P2RY8: variants seen among roughly 807,000 people sequenced by gnomAD.
P2RY8 encodes S-geranylgeranyl-glutathione receptor P2RY8.
In P2RY8, 6 loss-of-function variants were observed where a neutral mutation model predicts 10.0. The ratio of observed to expected loss-of-function variants is 0.60; its 90% CI spans 0.33 to 1.19. The LOEUF (loss-of-function observed/expected upper bound fraction) is 1.19, where lower values mean the gene tolerates loss of function less well. P2RY8 is among the 50% of genes most tolerant of loss of function. The pLI, the probability that P2RY8 is intolerant of heterozygous loss-of-function variation, is 0.04. For synonymous variants in P2RY8, 276 were observed against 252.5 expected (o/e 1.09, Z -0.88); for missense variants, 456 against 542.0 (o/e 0.84, Z 1.58).
At chrX:1,510,685 C>T (rs2092292322) in intron 1 of P2RY8, among the ~76,000 whole-genome samples, 1 of 151,848 alleles carries the variant, frequency 6.6e-6, no homozygotes, top group Non-Finnish European at 1.5e-5. Flanking sequence ...CAAGACCAGC[C>T]TGGCGACCAC....
intron 1 of P2RY8, among the ~76,000 whole-genome samples, chrX:1,527,910 T>A (rs1416332905): frequency 6.6e-6 from 1 of 152,206 alleles, no homozygotes; most frequent in East Asian, 1.9e-4. Flanking sequence ...TTCTGGTCTC[T>A]CATCTACAAA....
In P2RY8 at chrX:1,507,775, G is replaced by A. The variant is rs569886778; in HGVS notation, c.-25+29146C>T. Among the ~76,000 whole-genome samples, 20 of 152,280 alleles carry A rather than the reference G, an allele frequency of 1.3e-4. 1 individual carries two copies. The South Asian group carries it at 2.3e-3, about 17-fold the overall frequency. On this transcript the variant is annotated intron_variant, in intron 1 of 1. Coordinates refer to ENST00000381297, the MANE Select transcript of P2RY8 (RefSeq NM_178129.5). ...CTGGGTACACTACCCCTGTGGTGAC[G>A]GGAGGGAAAGTAAAGGTTTTTCTCA...
Position 1,466,497 on chromosome X carries a change from G to C in P2RY8, c.62C>G (p.Ala21Gly). 1.9e-6 allele frequency: 3 copies of C among 1,611,064 alleles called. No homozygotes were observed. Among genetic ancestry groups the C allele is most frequent in the Non-Finnish European group, 1.7e-6 (2 of 1,179,694 alleles). ...NATLQMLRNP[A>G]IAVALPVVYS... Reference sequence around the variant, plus strand: ...CACCACGGGCAGGGCCACCGCGATCGCCGGGTTCCGCAGCATCTGCAGCGT... The same window carrying C: ...CACCACGGGCAGGGCCACCGCGATCCCCGGGTTCCGCAGCATCTGCAGCGT... The change falls in exon 2 of 2, where the codon GCG (alanine) becomes GGG (glycine). Residue 21 changes from alanine (A) to glycine (G), a missense_variant. Ala to Gly is a moderately conservative substitution (Grantham distance 60). Coordinates refer to ENST00000381297, the MANE Select transcript of P2RY8 (RefSeq NM_178129.5).
chrX:1,516,038 A>G (rs112519835), intron 1 of P2RY8, among the ~76,000 whole-genome samples: 108,115 of 139,906 alleles, frequency 0.77, 43,577 homozygotes, highest in East Asian at 1. Context: ...AAAAAAAAAA[A>G]TACTAAAAAT....
chrX:1,534,019 C>G (rs1178864845), intron 1 of P2RY8, among the ~76,000 whole-genome samples: 2 of 122,380 alleles, frequency 1.6e-5, no homozygotes, highest in South Asian at 4.8e-4. Context: ...TACATATTTA[C>G]ATATATTATA....
chrX:1,535,602 G>T (rs1419878157), intron 1 of P2RY8, among the ~76,000 whole-genome samples: 1 of 151,830 alleles, frequency 6.6e-6, no homozygotes, highest in Non-Finnish European at 1.5e-5. Flanking sequence ...TTCCCCACGG[G>T]CTTCAGCTCC....
chrX:1,500,818 C>T (rs1254559577), intron 1 of P2RY8, among the ~76,000 whole-genome samples: 4 of 152,054 alleles, frequency 2.6e-5, no homozygotes, highest in Non-Finnish European at 4.4e-5. Flanking sequence ...CTGTTTGTGA[C>T]GACCAATGGG....
intron 1 of P2RY8, among the ~76,000 whole-genome samples, chrX:1,480,431 C>T (rs1420357560): frequency 6.6e-6 from 1 of 151,272 alleles, no homozygotes; most frequent in Non-Finnish European, 1.5e-5. Context: ...CTCTGTCAAC[C>T]AAGCTGGGGG....
At chrX:1,483,561 G>A (rs1409538695) in intron 1 of P2RY8, among the ~76,000 whole-genome samples, 1 of 152,094 alleles carries the variant, frequency 6.6e-6, no homozygotes, top group African/African-American at 2.4e-5. Flanking sequence ...TTGAACCCGG[G>A]AGGCAGAGGT....
intron 1 of P2RY8, among the ~76,000 whole-genome samples, chrX:1,515,942 G>GGGTT (rs2092343379): frequency 1.7e-5 from 1 of 58,838 alleles, no homozygotes; most frequent in Non-Finnish European, 5.3e-5. Context: ...GGGAGGCCGA[G>GGGTT]GGGTCGGGGG....
intron 1 of P2RY8, among the ~76,000 whole-genome samples, chrX:1,530,761 A>C (rs5989790): frequency 1.3e-5 from 2 of 150,018 alleles, no homozygotes; most frequent in African/African-American, 2.5e-5. Context: ...ATGTATGTAT[A>C]TATCTATCTA....
At chrX:1,508,454 G>A (rs2092254747) in intron 1 of P2RY8, among the ~76,000 whole-genome samples, 1 of 152,168 alleles carries the variant, frequency 6.6e-6, no homozygotes, top group African/African-American at 2.4e-5. Flanking sequence ...TGTCAGCAGT[G>A]CTGAGGCTGA....
intron 1 of P2RY8, among the ~76,000 whole-genome samples, chrX:1,487,564 G>A (rs1306522007): frequency 2.0e-5 from 3 of 152,022 alleles, no homozygotes; most frequent in Non-Finnish European, 2.9e-5. Context: ...CCAAATACAC[G>A]CATCTGAGTG....
chrX:1,498,993 C>A lies in P2RY8; in HGVS notation c.-24-32411G>T, dbSNP rs1426206888. ...GGGATTACAGGCGCGTGCCATAATG[C>A]CTAGCTAATTTTTGTATTTTTAGTA... On this transcript the variant is annotated intron_variant, in intron 1 of 1. Transcript: ENST00000381297. Among the ~76,000 whole-genome samples the A allele has an allele frequency of 2.7e-5, 4 of 150,584 alleles. No individual in the cohort carries two copies. In the East Asian group the frequency reaches 7.9e-4, roughly 30 times the overall value.
intron 1 of P2RY8, among the ~76,000 whole-genome samples, chrX:1,494,816 C>T (rs2092100709): frequency 6.6e-6 from 1 of 152,098 alleles, no homozygotes; most frequent in Admixed American, 6.6e-5. Context: ...AATGATTCTG[C>T]CTCAGCCTCC....
chrX:1,499,944 C>T (rs5989768), intron 1 of P2RY8, among the ~76,000 whole-genome samples: 70,408 of 141,008 alleles, frequency 0.5, 20,749 homozygotes, highest in Admixed American at 0.67. Flanking sequence ...CTGCAAGCTC[C>T]GCCTCCCGGG....
chrX:1,518,041 G>A (rs1435931280), intron 1 of P2RY8, among the ~76,000 whole-genome samples: 10 of 151,622 alleles, frequency 6.6e-5, no homozygotes, highest in African/African-American at 1.7e-4. Context: ...CCTGGGAGGC[G>A]GAGGTTGCAG....
chrX:1,486,452 G>C (rs2091987264), intron 1 of P2RY8, among the ~76,000 whole-genome samples: 1 of 152,202 alleles, frequency 6.6e-6, no homozygotes, highest in African/African-American at 2.4e-5. Context: ...TGCTCAGGGA[G>C]AGAAGCCAGA....
chrX:1,523,519 C>T (rs1224353991), intron 1 of P2RY8, among the ~76,000 whole-genome samples: 5 of 151,912 alleles, frequency 3.3e-5, no homozygotes, highest in African/African-American at 1.2e-4. Flanking sequence ...TTTGTGATTG[C>T]CAGAGGGAGG....
Sources: gnomAD v4.1 joint callset for allele counts (sites outside exome capture counted in the v4.1 genomes callset) on GRCh38, gnomAD v4.1.1 for gene constraint, MANE v1.5 for transcripts, NCBI Gene and HGNC (gene_info 2026-07-23, HGNC 2026-07-21) for gene names.